The following TXLNB variants were observed in gnomAD, a reference collection of about 807,000 sequenced individuals.
The protein encoded by TXLNB is taxilin beta, also known as beta-taxilin.
TXLNB carries 37 observed loss-of-function variants against 57.4 expected under a neutral mutation model. That is an observed-to-expected ratio of 0.64 (90% CI 0.50 to 0.85). The LOEUF is 0.85. Among genes scored for constraint, TXLNB ranks in the 40% least tolerant of loss-of-function variants. The pLI is 0.00. For missense variants in TXLNB, 848 were observed against 825.6 expected, an observed-to-expected ratio of 1.03 and a Z score of -0.33; for synonymous variants, 302 against 309.6, an observed-to-expected ratio of 0.98 and a Z score of 0.26.
downstream of TXLNB, among the ~76,000 whole-genome samples, chr6:139,237,776 T>G (rs1775853213): frequency 6.6e-6 from 1 of 152,104 alleles, no homozygotes; most frequent in South Asian, 2.1e-4. Flanking sequence ...TTGAGGTAAT[T>G]GAACATTATA....
the TXLNB span, among the ~76,000 whole-genome samples, chr6:139,165,523 T>G: frequency 2.0e-5 from 3 of 152,100 alleles, no homozygotes; most frequent in African/African-American, 7.2e-5. Context: ...CGGGAATAGA[T>G]TCACTTCCCT....
chr6:139,190,305 CTTTCTTTTTTT>C, the TXLNB span, among the ~76,000 whole-genome samples: 1 of 108,884 alleles, frequency 9.2e-6, no homozygotes, highest in Non-Finnish European at 1.8e-5. Context: ...TTCTTTCTTT[CTTTCTTTTTTT>C]TTTTTTTTTT....
upstream of TXLNB, among the ~76,000 whole-genome samples, chr6:139,296,275 C>A (rs1777387650): frequency 6.6e-6 from 1 of 152,118 alleles, no homozygotes; most frequent in Non-Finnish European, 1.5e-5. Flanking sequence ...TACCCTTATA[C>A]TTACTTGATT....
rs1776628894 is a variant in TXLNB, at chr6:139,266,947, T to C, written c.687+3509A>G. Among the ~76,000 whole-genome samples, 3 of 147,580 alleles carry C rather than the reference T, an allele frequency of 2.0e-5. No individual in the cohort carries two copies. In the South Asian group the frequency reaches 6.4e-4, roughly 31 times the overall value. ...TTTTAAAAGCCAGTATAGTGGCACA[T>C]TTATTTAAGGCTAAAAGGAAAAAAA... On this transcript the variant is annotated intron_variant, in intron 4 of 9. Transcript: ENST00000358430.
At chr6:139,166,011 G>A in the TXLNB span, 3 of 342,986 alleles carry the variant, frequency 8.7e-6, no homozygotes, top group Non-Finnish European at 1.6e-5. Context: ...GACCGTCTAT[G>A]TTCCAGCGGC....
At chr6:139,261,790 T>TA (rs1265956507) in intron 5 of TXLNB, among the ~76,000 whole-genome samples, 11 of 152,056 alleles carry the variant, frequency 7.2e-5, no homozygotes, top group Non-Finnish European at 1.6e-4. Context: ...GTACAGCACT[T>TA]AGCACATTGC....
At chr6:139,255,698 G>C (rs1562276024) in intron 6 of TXLNB, 60 bp from the exon 7 acceptor site, 1 of 1,371,140 alleles carries the variant, frequency 7.3e-7, no homozygotes, top group Non-Finnish European at 1.0e-6. Flanking sequence ...TTACTATTTG[G>C]CTGTAATTTG....
intron 7 of TXLNB, among the ~76,000 whole-genome samples, chr6:139,253,103 T>A (rs1178589917): frequency 6.6e-6 from 1 of 152,190 alleles, no homozygotes; most frequent in Non-Finnish European, 1.5e-5. Context: ...CACTAATTAA[T>A]AGTCAAGCAG....
chr6:139,292,034 G>A (rs907827292), upstream of TXLNB: 4 of 146,850 alleles, frequency 2.7e-5, no homozygotes, highest in Admixed American at 6.8e-5. This position sits in a 1 kb window ranked among gnomAD's most constrained non-coding sequence, Gnocchi z 4.0. Context: ...TTACAAGGGA[G>A]AGAGAAACCC....
intron 5 of TXLNB, among the ~76,000 whole-genome samples, chr6:139,260,933 G>C (rs1776464969): frequency 6.6e-6 from 1 of 152,212 alleles, no homozygotes; most frequent in African/African-American, 2.4e-5. Flanking sequence ...TGGGGTGCCA[G>C]CATGTGGTCC....
the TXLNB span, among the ~76,000 whole-genome samples, chr6:139,223,944 G>A: frequency 6.7e-6 from 1 of 150,130 alleles, no homozygotes; most frequent in African/African-American, 2.5e-5. Context: ...TCCCATTACT[G>A]GGTATCTACC....
chr6:139,239,611 G>C (rs2114396449), downstream of TXLNB: 1 of 152,522 alleles, frequency 6.6e-6, no homozygotes, highest in African/African-American at 2.4e-5. This position sits in a 1 kb window ranked among gnomAD's most constrained non-coding sequence, Gnocchi z 4.7. Context: ...TCCTGCCTCA[G>C]CTTCCCAAGT....
rs1775898493 is a variant in TXLNB, at chr6:139,240,164, AAT to A, written c.*2360_*2361del. On this transcript the variant is annotated 3_prime_UTR_variant, in exon 10 of 10. Coordinates refer to ENST00000358430, the MANE Select transcript of TXLNB (RefSeq NM_153235.4). The stretch of plus-strand genomic sequence containing the variant: ...TAGAAAGTAGATGGCATTTCTAAAA[AAT>A]AGTTACATACACTTGATAAAGAACA... 2.0e-5 allele frequency: 3 copies of A among 152,666 alleles called. No homozygotes were observed. Among genetic ancestry groups the A allele is most frequent in the African/African-American group, 7.2e-5 (3 of 41,456 alleles). 9.5% of individuals were successfully genotyped at this position (152,666 alleles called of 1,614,324 possible). A position where few individuals can be genotyped will look rare whatever the true frequency, so the allele number is the denominator to read the frequency against.
rs1156408318 is a variant in TXLNB, at chr6:139,281,698, G to A, written c.425-4777C>T. Among the ~76,000 whole-genome samples the A allele has an allele frequency of 4.5e-5, 5 of 110,314 alleles. 1 individual carries two copies. Among genetic ancestry groups the A allele is most frequent in the Non-Finnish European group, 8.4e-5 (5 of 59,382 alleles). 72.4% of individuals were successfully genotyped at this position (110,314 alleles called of 152,430 possible). On this transcript the variant is annotated intron_variant, in intron 2 of 9. Transcript: ENST00000358430. Reference sequence around the variant, plus strand: ...CGAGTAGCTGGGACTACAGGCGCCCGCTACCACGCCCGGCTAATTTTTTGT... The same window carrying A: ...CGAGTAGCTGGGACTACAGGCGCCCACTACCACGCCCGGCTAATTTTTTGT...
the TXLNB span, among the ~76,000 whole-genome samples, chr6:139,308,488 C>T: frequency 3.9e-5 from 6 of 152,222 alleles, no homozygotes; most frequent in East Asian, 1.2e-3. Flanking sequence ...GATATGACTA[C>T]TGTAGGCTTT....
the TXLNB span, among the ~76,000 whole-genome samples, chr6:139,205,029 C>A: frequency 6.6e-6 from 1 of 152,210 alleles, no homozygotes. Context: ...TCTACCTGCC[C>A]TGAGAGCTTA....
the TXLNB span, among the ~76,000 whole-genome samples, chr6:139,202,827 G>A: frequency 1.3e-5 from 2 of 152,044 alleles, no homozygotes; most frequent in African/African-American, 4.8e-5. Context: ...CTGTAATTTT[G>A]TATCTGTAAA....
At chr6:139,165,899 C>A in the TXLNB span, 1 of 166,686 alleles carries the variant, frequency 6.0e-6, no homozygotes, top group Non-Finnish European at 1.3e-5. Flanking sequence ...TGGTTTTTTC[C>A]TTCACAGCCT....
At chr6:139,262,531 C>A (rs1776509038) in intron 5 of TXLNB, 48 bp downstream of exon 5, 1 of 1,470,382 alleles carries the variant, frequency 6.8e-7, no homozygotes, top group South Asian at 1.5e-5. Flanking sequence ...CTTTAGCTCC[C>A]AGATCCGGAT....
Sources: allele counts gnomAD v4.1 joint callset (sites outside exome capture counted in the v4.1 genomes callset), GRCh38; gene constraint gnomAD v4.1.1; non-coding constraint Gnocchi (gnomAD v3.1); transcripts MANE v1.5; gene names NCBI Gene and HGNC (gene_info 2026-07-23, HGNC 2026-07-21).